The following OR2L5 variants were observed in gnomAD, a reference collection of about 807,000 sequenced individuals.
OR2L5 encodes the protein olfactory receptor family 2 subfamily L member 5, also known as olfactory receptor 2L5.
For synonymous variants in OR2L5, 169 were observed against 142.0 expected (o/e 1.19, Z -1.35); for missense variants, 413 against 381.6 (o/e 1.08, Z -0.69).
rs149028059 is a variant in OR2L5, at chr1:248,014,710, A to G, written c.-22+972A>G. Among the ~76,000 whole-genome samples, 724 of 152,204 alleles carry G rather than the reference A, an allele frequency of 4.8e-3. 6 individuals are homozygous for G. Among genetic ancestry groups the G allele is most frequent in the African/African-American group, 0.016 (666 of 41,518 alleles). ...ATGATGAAGATGCTGAAACTTGTAG[A>G]TTCTCTTCAATGATACACCCAGTCA... On this transcript the variant is annotated intron_variant, in intron 1 of 1. Transcript: ENST00000355281.
intron 1 of OR2L5, among the ~76,000 whole-genome samples, chr1:248,018,141 C>A (rs914980079): frequency 5.4e-5 from 8 of 147,552 alleles, no homozygotes; most frequent in African/African-American, 2.1e-4. Context: ...GGCGACAGAG[C>A]GACTCCATCT....
At chr1:248,014,598 G>A (rs1662146187) in intron 1 of OR2L5, among the ~76,000 whole-genome samples, 1 of 152,108 alleles carries the variant, frequency 6.6e-6, no homozygotes, top group African/African-American at 2.4e-5. Flanking sequence ...GAAACAATGT[G>A]AAGGCTATAT....
chr1:248,014,309 T>G (rs1188384967), intron 1 of OR2L5, among the ~76,000 whole-genome samples: 2 of 152,062 alleles, frequency 1.3e-5, no homozygotes, highest in East Asian at 3.9e-4. Context: ...AAATTACCAG[T>G]CTGTAGAGCA....
intron 1 of OR2L5, among the ~76,000 whole-genome samples, chr1:248,021,342 T>A (rs1462394974): frequency 6.6e-6 from 1 of 152,212 alleles, no homozygotes; most frequent in South Asian, 2.1e-4. Context: ...GTTGTATAAA[T>A]AATTCACAGT....
At chr1:248,015,366 C>G (rs780168413) in intron 1 of OR2L5, among the ~76,000 whole-genome samples, 1 of 152,028 alleles carries the variant, frequency 6.6e-6, no homozygotes, top group Non-Finnish European at 1.5e-5. Context: ...GCCTATACTC[C>G]GGAGGACACT....
In OR2L5 at chr1:248,021,943, G is replaced by A. The variant is rs570198210; in HGVS notation, c.-5G>A. On this transcript the variant is annotated 5_prime_UTR_variant, in exon 2 of 2. An upstream start codon of the reference 5' UTR is lost. Transcript: ENST00000355281. ...TCCCTTCAGGAAGGATCGTATGAAT[G>A]CCCCATGGAAAATTACAATCAAACG... is the stretch of plus-strand genomic sequence containing the variant. 6.2e-6 allele frequency: 10 copies of A among 1,607,966 alleles called. No individual in the cohort carries two copies. The African/African-American group carries it at 1.3e-4, about 21-fold the overall frequency.
rs1662350842 is a variant in OR2L5, at chr1:248,022,082, T to G, written c.135T>G (p.Ile45Met). ...CTCTAATTGGAAACCTATCCATGATTCTTCTCATCTTCTTGGACACCCATC... is the reference window on the plus strand; with the variant it reads ...CTCTAATTGGAAACCTATCCATGATGCTTCTCATCTTCTTGGACACCCATC... ...LMALIGNLSM[I>M]LLIFLDTHLH... The change falls in exon 2 of 2, where the codon ATT (isoleucine) becomes ATG (methionine). Residue 45 changes from isoleucine to methionine, a missense_variant. By Grantham distance (10) the Ile-to-Met change is conservative (BLOSUM62 1). Coordinates refer to ENST00000355281, the MANE Select transcript of OR2L5 (RefSeq NM_001258284.2). 9 of 1,613,850 alleles carry G rather than the reference T, an allele frequency of 5.6e-6. No individual in the cohort carries two copies. The highest frequency in any genetic ancestry group is 7.6e-6 in the Non-Finnish European group (9 of 1,179,856).
intron 1 of OR2L5, among the ~76,000 whole-genome samples, chr1:248,021,551 T>G (rs79752829): frequency 0.064 from 9,698 of 152,220 alleles, 357 homozygotes; most frequent in East Asian, 0.16. Context: ...TCATAGTGCC[T>G]ACATTGTTCC....
chr1:248,018,587 T>G (rs1662263361), intron 1 of OR2L5, among the ~76,000 whole-genome samples: 1 of 152,220 alleles, frequency 6.6e-6, no homozygotes, highest in South Asian at 2.1e-4. Flanking sequence ...TTAAAATGTA[T>G]TTGGAATTCC....
intron 1 of OR2L5, among the ~76,000 whole-genome samples, chr1:248,014,313 TA>T (rs1451657394): frequency 1.3e-5 from 2 of 152,072 alleles, no homozygotes; most frequent in African/African-American, 2.4e-5. Flanking sequence ...TACCAGTCTG[TA>T]GAGCAATGAT....
rs1216791000 is a variant in OR2L5, at chr1:248,022,640, A to G, written c.693A>G (p.Glu231=). Residue 231 remains glutamate, a synonymous_variant, in exon 2 of 2, where the codon GAA becomes GAG. Transcript: ENST00000355281. ...CTGTCTACCGCATGCACTCTGCAGA[A>G]GGGAGGAAAAAGGCCTATTCGACCT... The part of the protein sequence containing the change: ...LLAVYRMHSA[E]GRKKAYSTCS... The G allele has an allele frequency of 6.2e-7, 1 of 1,614,118 alleles. No homozygotes were observed. Among genetic ancestry groups the G allele is most frequent in the South Asian group, 1.1e-5 (1 of 91,078 alleles).
intron 1 of OR2L5, among the ~76,000 whole-genome samples, chr1:248,018,361 G>A (rs977836322): frequency 6.6e-6 from 1 of 152,082 alleles, no homozygotes; most frequent in Admixed American, 6.6e-5. Flanking sequence ...TGTTTGGAAT[G>A]TTGTGTTAGT....
At position 248,022,555 on chromosome 1, in the gene OR2L5, C is replaced by G; in HGVS notation, c.608C>G (p.Thr203Ser). 1 of 1,614,168 alleles carries G rather than the reference C, an allele frequency of 6.2e-7. No individual in the cohort carries two copies. The highest frequency in any genetic ancestry group is 1.3e-5 in the African/African-American group (1 of 75,038). ...GAGTACACAGTGTTTTTGAGCAGCA[C>G]CATCTTTCTTGTGTTTCCCTTCACT... The part of the protein sequence containing the change: ...VYEYTVFLSS[T>S]IFLVFPFTGI... Residue 203 changes from threonine (T) to serine (S), a missense_variant, in exon 2 of 2, where the codon ACC becomes AGC. Physicochemically the swap from Thr to Ser is moderately conservative, Grantham distance 58. Coordinates refer to ENST00000355281, the MANE Select transcript of OR2L5 (RefSeq NM_001258284.2).
chr1:248,016,333 C>G (rs1325534554), intron 1 of OR2L5, among the ~76,000 whole-genome samples: 1 of 152,006 alleles, frequency 6.6e-6, no homozygotes, highest in African/African-American at 2.4e-5. Flanking sequence ...GTGAATTATT[C>G]CAACAGATAA....
Position 248,022,733 on chromosome 1 carries a change from A to G in OR2L5, c.786A>G (p.Arg262=), listed in dbSNP as rs1458946968. The change falls in exon 2 of 2, where the codon AGA becomes AGG. Residue 262 remains arginine (R), a synonymous_variant. Coordinates refer to ENST00000355281, the MANE Select transcript of OR2L5 (RefSeq NM_001258284.2). The part of the protein sequence containing the change: ...APFAYTYLCP[R]SLRSLTEDKV... ...TTGCTTATACCTATCTATGTCCAAGATCCCTGCGATCTCTGACAGAGGACA... is the reference window on the plus strand; with the variant it reads ...TTGCTTATACCTATCTATGTCCAAGGTCCCTGCGATCTCTGACAGAGGACA... The G allele has an allele frequency of 3.1e-6, 5 of 1,614,034 alleles. No homozygotes were observed. Among genetic ancestry groups the G allele is most frequent in the Non-Finnish European group, 3.4e-6 (4 of 1,179,960 alleles).
At position 248,023,086 on chromosome 1, in the gene OR2L5, A is replaced by G. The variant is rs1386866098; in HGVS notation, c.*200A>G. ...TTCTGTTTGTGTTTCTTTTTATCAA[A>G]AGACAGATCATATATTTTACACTAA... On this transcript the variant is annotated 3_prime_UTR_variant, in exon 2 of 2. Coordinates refer to ENST00000355281, the MANE Select transcript of OR2L5 (RefSeq NM_001258284.2). 8 of 488,216 alleles carry G rather than the reference A, an allele frequency of 1.6e-5. No homozygotes were observed. Among genetic ancestry groups the G allele is most frequent in the Non-Finnish European group, 2.9e-5 (8 of 280,458 alleles). The allele number at this position is 488,216 out of a possible 1,614,324, so 30.2% of individuals were successfully genotyped here.
intron 1 of OR2L5, among the ~76,000 whole-genome samples, chr1:248,016,359 A>G (rs190693052): frequency 1.1e-3 from 168 of 152,290 alleles, no homozygotes; most frequent in Non-Finnish European, 1.1e-3. Flanking sequence ...TATGTTGGGA[A>G]CATGGTGGAA....
chr1:248,021,748 T>C (rs73141314), intron 1 of OR2L5, among the ~76,000 whole-genome samples, 179 bp from the exon 2 acceptor site: 8,157 of 152,250 alleles, frequency 0.054, 687 homozygotes, highest in African/African-American at 0.18. Flanking sequence ...TTTTGTTAAT[T>C]TCTTCCTTGT....
intron 1 of OR2L5, among the ~76,000 whole-genome samples, chr1:248,016,398 A>G (rs941012217): frequency 6.6e-6 from 1 of 152,156 alleles, no homozygotes; most frequent in African/African-American, 2.4e-5. Flanking sequence ...TTTCTGAGAA[A>G]TCTTCTTTCT....
Sources: gnomAD v4.1 joint callset for allele counts (sites outside exome capture counted in the v4.1 genomes callset) on GRCh38, gnomAD v4.1.1 for gene constraint, MANE v1.5 for transcripts, NCBI Gene and HGNC (gene_info 2026-07-23, HGNC 2026-07-21) for gene names.